The following ZFHX3 variants were observed in gnomAD, a reference collection of about 807,000 sequenced individuals.
ZFHX3 encodes zinc finger homeobox 3, also known as zinc finger homeobox protein 3.
A neutral mutation model predicts 279.1 loss-of-function variants in ZFHX3; 42 were observed. The observed-to-expected ratio is 0.15, with a 90% CI of 0.12 to 0.19. The LOEUF is 0.19. Ranked by LOEUF, ZFHX3 falls within the 10% of genes least tolerant of loss-of-function variation. The pLI is 1.00. For synonymous variants in ZFHX3, 2,293 were observed against 1,957.8 expected (o/e 1.17, Z -4.52); for missense variants, 4,981 against 4,754.0 (o/e 1.05, Z -1.40).
chr16:73,462,716 T>TTGA (rs2018493806), intron 2 of ZFHX3, among the ~76,000 whole-genome samples: 1 of 152,168 alleles, frequency 6.6e-6, no homozygotes, highest in African/African-American at 2.4e-5. Context: ...GTGGATTATA[T>TTGA]TGATTGATTT....
intron 1 of ZFHX3, among the ~76,000 whole-genome samples, chr16:73,778,736 T>C (rs1037693354): frequency 3.9e-5 from 6 of 152,196 alleles, no homozygotes; most frequent in African/African-American, 1.4e-4. Context: ...TACAGTTTCT[T>C]CTGATGAAAA....
chr16:73,530,128 T>C (rs1308720077), intron 2 of ZFHX3, among the ~76,000 whole-genome samples: 1 of 152,106 alleles, frequency 6.6e-6, no homozygotes, highest in African/African-American at 2.4e-5. Context: ...CTCACAAGCA[T>C]GGTGGAAGGC....
At chr16:73,328,219 G>A (rs75891355) in intron 3 of ZFHX3, among the ~76,000 whole-genome samples, 3,162 of 152,136 alleles carry the variant, frequency 0.021, 51 homozygotes, top group Middle Eastern at 0.041. Context: ...CCAGATCTTC[G>A]GTGGGGAACA....
At chr16:73,123,354 G>A (rs951209621) in intron 7 of ZFHX3, 3 of 147,926 alleles carry the variant, frequency 2.0e-5, no homozygotes, top group African/African-American at 5.0e-5. Context: ...CTTGCACAGA[G>A]GGGTTTGCTC....
Position 73,311,807 on chromosome 16 carries a change from C to T in ZFHX3, c.-1194+6433G>A, listed in dbSNP as rs939483512. On this transcript the variant is annotated intron_variant, in intron 4 of 17. Transcript: ENST00000641206. ...TTAACAAGACGAAATATAATTGGAC[C>T]GTGCAACATTTACATATAGGTTCAA... Among the ~76,000 whole-genome samples, 6 of 152,056 alleles carry T rather than the reference C, an allele frequency of 3.9e-5. No homozygotes were observed. In the East Asian group the frequency reaches 5.8e-4, roughly 15 times the overall value.
intron 2 of ZFHX3, among the ~76,000 whole-genome samples, chr16:73,659,576 G>T (rs535731042): frequency 8.5e-5 from 13 of 152,214 alleles, no homozygotes; most frequent in Middle Eastern, 3.4e-3. Flanking sequence ...AGGCTCTGTT[G>T]TCAGCTGTAT....
At chr16:73,791,496 C>A (rs1298448837) in intron 1 of ZFHX3, among the ~76,000 whole-genome samples, 1 of 152,178 alleles carries the variant, frequency 6.6e-6, no homozygotes, top group African/African-American at 2.4e-5. Flanking sequence ...GCCATCTTGG[C>A]TCACTGCGAC....
At chr16:73,724,563 C>T (rs1426776719) in intron 1 of ZFHX3, among the ~76,000 whole-genome samples, 7 of 152,140 alleles carry the variant, frequency 4.6e-5, no homozygotes, top group Non-Finnish European at 7.3e-5. Flanking sequence ...CCTTGGTAGG[C>T]ATTTGAGTTT....
intron 2 of ZFHX3, among the ~76,000 whole-genome samples, chr16:73,632,650 C>T (rs565364689): frequency 6.7e-6 from 1 of 149,524 alleles, no homozygotes; most frequent in Non-Finnish European, 1.5e-5. Flanking sequence ...CGCGCCACTG[C>T]ACTCCAGCCT....
At chr16:72,813,060 C>A (rs542369500) in intron 5 of ZFHX3, among the ~76,000 whole-genome samples, 1 of 152,292 alleles carries the variant, frequency 6.6e-6, no homozygotes, top group South Asian at 2.1e-4. Context: ...GCTCCTCCAG[C>A]TTAAACACAG....
intron 3 of ZFHX3, among the ~76,000 whole-genome samples, chr16:72,912,297 A>C (rs192342935): frequency 6.6e-6 from 1 of 152,356 alleles, no homozygotes. Flanking sequence ...GTAAACAGCA[A>C]GTTAATTAAA....
chr16:73,587,809 C>T (rs1462534107), intron 2 of ZFHX3, among the ~76,000 whole-genome samples: 1 of 152,086 alleles, frequency 6.6e-6, no homozygotes, highest in African/African-American at 2.4e-5. Flanking sequence ...ACTATCAATG[C>T]TAATTGCATA....
intron 3 of ZFHX3, among the ~76,000 whole-genome samples, chr16:72,919,776 T>C (rs1487571460): frequency 9.2e-6 from 1 of 108,452 alleles, no homozygotes; most frequent in African/African-American, 3.5e-5. Context: ...ATATGCACCA[T>C]CTTTTTTTTT....
At chr16:73,001,588 GGATCACTTCAGCTCA>G (rs978023500) in intron 1 of ZFHX3, among the ~76,000 whole-genome samples, 46 of 152,188 alleles carry the variant, frequency 3.0e-4, no homozygotes, top group African/African-American at 1.0e-3. Flanking sequence ...TGAAGTGAGA[GGATCACTTCAGCTCA>G]GAGGTTCAAG....
intron 2 of ZFHX3, among the ~76,000 whole-genome samples, chr16:73,661,211 C>G (rs1268811044): frequency 2.0e-5 from 3 of 152,052 alleles, no homozygotes; most frequent in African/African-American, 7.2e-5. Flanking sequence ...AATAATAAAC[C>G]AGAAGCAAAG....
At position 73,220,551 on chromosome 16, in the gene ZFHX3, C is replaced by G. The variant is rs544999548; in HGVS notation, c.-1104+36496G>C. 2.6e-5 allele frequency among the ~76,000 whole-genome samples: 4 copies of G among 152,212 alleles called. 1 individual carries two copies. In the South Asian group the frequency reaches 8.3e-4, roughly 32 times the overall value. On this transcript the variant is annotated intron_variant, in intron 5 of 17. Coordinates refer to the ZFHX3 transcript ENST00000641206. ...ATATTCCAGTGTGCACCCTAAAACT[C>G]CAATAGACCAGGCACAGTGTGCATT...
At chr16:73,120,771 C>A (rs747237064) in intron 7 of ZFHX3, among the ~76,000 whole-genome samples, 7 of 150,962 alleles carry the variant, frequency 4.6e-5, no homozygotes, top group Non-Finnish European at 1.0e-4. Context: ...TCTCCTACCT[C>A]AACCTCCCGA....
chr16:73,038,488 A>G (rs1040633657), intron 1 of ZFHX3, among the ~76,000 whole-genome samples: 1 of 152,238 alleles, frequency 6.6e-6, no homozygotes, highest in Non-Finnish European at 1.5e-5. Context: ...TAAGCCATCC[A>G]ATATGACGGC....
intron 1 of ZFHX3, among the ~76,000 whole-genome samples, chr16:73,872,528 AG>A (rs1483821750): frequency 6.6e-6 from 1 of 151,878 alleles, no homozygotes; most frequent in Non-Finnish European, 1.5e-5. Context: ...AGCCACTGCC[AG>A]GCCAGGTGAT....
Sources: gnomAD v4.1 joint callset for allele counts (sites outside exome capture counted in the v4.1 genomes callset) on GRCh38, gnomAD v4.1.1 for gene constraint, MANE v1.5 for transcripts, NCBI Gene and HGNC (gene_info 2026-07-23, HGNC 2026-07-21) for gene names.